Variants in DDX19A observed in about 807,000 individuals in gnomAD.
The protein encoded by DDX19A is DEAD-box helicase 19A.
Under a neutral mutation model 60.6 loss-of-function variants are expected in DDX19A, and 12 were observed. That is an observed-to-expected ratio of 0.20 (90% CI 0.13 to 0.32). The LOEUF (loss-of-function observed/expected upper bound fraction) is 0.32, where lower values mean the gene tolerates loss of function less well. DDX19A is among the 10% of genes least tolerant of loss of function. The pLI is 1.00. For missense variants in DDX19A, 337 were observed against 600.6 expected (o/e 0.56, Z 4.59); for synonymous variants, 206 against 218.2 (o/e 0.94, Z 0.49).
rs71151183 is a variant in DDX19A at position 70,357,366 on chromosome 16, G to GTTTTTTTTTT, written c.293+1146_293+1155dup. Reference sequence around the variant, plus strand: ...AATCTGTCAAATCTGTTTTTGGTTTGTTTTTTTTTTTTTTTTTTTTTTTTT... The same window carrying GTTTTTTTTTT: ...AATCTGTCAAATCTGTTTTTGGTTTGTTTTTTTTTTTTTTTTTTTTTTTTTTTTTTTTTTT... On this transcript the variant is annotated intron_variant, in intron 4 of 11. Transcript: ENST00000302243. Among the ~76,000 whole-genome samples the GTTTTTTTTTT allele has an allele frequency of 3.7e-3, 164 of 44,584 alleles. 59 individuals are homozygous for GTTTTTTTTTT. Among genetic ancestry groups the GTTTTTTTTTT allele is most frequent in the Admixed American group, 6.3e-3 (19 of 3,026 alleles). 29.2% of individuals were successfully genotyped at this position (44,584 alleles called of 152,430 possible).
intron 9 of DDX19A, among the ~76,000 whole-genome samples, chr16:70,367,668 G>A (rs531538909): frequency 1.3e-5 from 2 of 151,864 alleles, no homozygotes; most frequent in Non-Finnish European, 2.9e-5. Context: ...ACCTGAGGTC[G>A]GGAGTTGGAG....
intron 4 of DDX19A, among the ~76,000 whole-genome samples, chr16:70,360,407 A>C (rs1964333105): frequency 6.8e-6 from 1 of 146,312 alleles, no homozygotes; most frequent in South Asian, 2.1e-4. Flanking sequence ...TATAGTCTCT[A>C]ACTCTTAGCC....
At chr16:70,366,286 C>T (rs1964517527) in intron 8 of DDX19A, 24 bp downstream of exon 8, 19 of 1,613,530 alleles carry the variant, frequency 1.2e-5, no homozygotes, top group Non-Finnish European at 1.4e-5. Flanking sequence ...GGGTGGGGGA[C>T]TCCTCAGACT....
In DDX19A at chr16:70,372,833, CGAGAGCT is replaced by C. The variant is rs2047298647; in HGVS notation, c.*851_*857del. On this transcript the variant is annotated 3_prime_UTR_variant, in exon 12 of 12. Coordinates refer to ENST00000302243, the MANE Select transcript of DDX19A (RefSeq NM_018332.5). Reference sequence around the variant, plus strand: ...CTTACCCCCAGGTGTCACACGGGGCCGAGAGCTGAGCAAGAATTTGGAATGGAAGTTA... The same window carrying C: ...CTTACCCCCAGGTGTCACACGGGGCCGAGCAAGAATTTGGAATGGAAGTTA... 1 of 152,148 alleles carries C rather than the reference CGAGAGCT, an allele frequency of 6.6e-6. No individual in the cohort carries two copies. Among genetic ancestry groups the C allele is most frequent in the Non-Finnish European group, 1.5e-5 (1 of 68,084 alleles). The allele number at this position is 152,148 out of a possible 1,614,324, so 9.4% of individuals were successfully genotyped here. A position where few individuals can be genotyped will look rare whatever the true frequency, so the allele number is the denominator to read the frequency against.
Position 70,357,366 on chromosome 16 carries a change from G to GTTTT in DDX19A, c.293+1152_293+1155dup, listed in dbSNP as rs71151183. Among the ~76,000 whole-genome samples, 35 of 44,580 alleles carry GTTTT rather than the reference G, an allele frequency of 7.9e-4. 12 individuals are homozygous for GTTTT. Among genetic ancestry groups the GTTTT allele is most frequent in the East Asian group, 2.9e-3 (4 of 1,368 alleles). 29.2% of individuals were successfully genotyped at this position (44,580 alleles called of 152,430 possible). On this transcript the variant is annotated intron_variant, in intron 4 of 11. Coordinates refer to ENST00000302243, the MANE Select transcript of DDX19A (RefSeq NM_018332.5). ...AATCTGTCAAATCTGTTTTTGGTTT[G>GTTTT]TTTTTTTTTTTTTTTTTTTTTTTTT...
chr16:70,367,808 C>T (rs573025255), intron 9 of DDX19A, among the ~76,000 whole-genome samples: 19 of 150,122 alleles, frequency 1.3e-4, no homozygotes, highest in African/African-American at 4.4e-4. Context: ...AGCTGGGAGG[C>T]GGAGATTGCA....
chr16:70,348,410 G>A (rs1291979906), intron 1 of DDX19A, among the ~76,000 whole-genome samples: 3 of 151,930 alleles, frequency 2.0e-5, no homozygotes, highest in Admixed American at 6.6e-5. Context: ...CAGATCACTC[G>A]AGGTCAAGAG....
At chr16:70,357,730 G>C (rs1474249911) in intron 4 of DDX19A, among the ~76,000 whole-genome samples, 1 of 151,996 alleles carries the variant, frequency 6.6e-6, no homozygotes, top group Admixed American at 6.6e-5. Context: ...ATTAAGTGTG[G>C]ATCATTGTGT....
chr16:70,365,695 G>C lies in DDX19A; in HGVS notation c.605-390G>C, dbSNP rs900648319. The C allele has an allele frequency of 1.9e-5, 5 of 263,080 alleles. No individual in the cohort carries two copies. In the South Asian group the frequency reaches 2.1e-4, roughly 11 times the overall value. The allele number at this position is 263,080 out of a possible 1,614,324, so 16.3% of individuals were successfully genotyped here. On this transcript the variant is annotated intron_variant, in intron 7 of 11. Coordinates refer to ENST00000302243, the MANE Select transcript of DDX19A (RefSeq NM_018332.5). ...CTTGGGAGGCTGAGGCAGGAGGATC[G>C]CTTGAACCTGTGTGGTCAAAGCTGC...
chr16:70,372,147 T>G lies in DDX19A; in HGVS notation c.*161T>G. On this transcript the variant is annotated 3_prime_UTR_variant, in exon 12 of 12. Transcript: ENST00000302243. Reference sequence around the variant, plus strand: ...TATGTTTGGACTTGACAAAAATAGGTGCAAATGATGGGGGGCAATAGAAGA... The same window carrying G: ...TATGTTTGGACTTGACAAAAATAGGGGCAAATGATGGGGGGCAATAGAAGA... 3.3e-6 allele frequency: 4 copies of G among 1,205,642 alleles called. No individual in the cohort carries two copies. The South Asian group carries it at 5.7e-5, about 17-fold the overall frequency. 74.7% of individuals were successfully genotyped at this position (1,205,642 alleles called of 1,614,324 possible).
At chr16:70,356,373 C>T (rs1964184045) in intron 4 of DDX19A, 126 bp downstream of exon 4, 26 of 1,355,922 alleles carry the variant, frequency 1.9e-5, no homozygotes, top group South Asian at 4.3e-5. Context: ...TTTTTTTTTT[C>T]GAGACAGAGT....
chr16:70,367,408 CAGAG>C (rs1255901207), intron 9 of DDX19A, among the ~76,000 whole-genome samples: 1 of 148,640 alleles, frequency 6.7e-6, no homozygotes, highest in African/African-American at 2.5e-5. Flanking sequence ...AGCCTGGCAA[CAGAG>C]AGAGACTCCG....
Position 70,351,042 on chromosome 16 carries a change from GT to G in DDX19A, c.106+450del, listed in dbSNP as rs879782082. Among the ~76,000 whole-genome samples the G allele has an allele frequency of 4.6e-3, 641 of 139,826 alleles. 5 individuals carry two copies. The highest frequency in any genetic ancestry group is 0.014 in the African/African-American group (549 of 38,500). The allele number at this position is 139,826 out of a possible 152,430, so 91.7% of individuals were successfully genotyped here. ...TACAGGCGCTTGCCACCACGCGCTAGTTTTTTTTTTTTTGTATTTTTAGTAG... is the reference window on the plus strand; with the variant it reads ...TACAGGCGCTTGCCACCACGCGCTAGTTTTTTTTTTTTGTATTTTTAGTAG... On this transcript the variant is annotated intron_variant, in intron 2 of 11. Transcript: ENST00000302243.
At chr16:70,366,497 C>A in intron 8 of DDX19A, 127 bp from the exon 9 acceptor site, 1 of 1,365,692 alleles carries the variant, frequency 7.3e-7, no homozygotes, top group South Asian at 1.3e-5. Flanking sequence ...GCCTGCTGCT[C>A]CTCCTCCCCA....
chr16:70,360,138 A>G (rs995427151), intron 4 of DDX19A, among the ~76,000 whole-genome samples: 6 of 151,948 alleles, frequency 3.9e-5, no homozygotes, highest in Non-Finnish European at 8.8e-5. Context: ...AAAATTAGCC[A>G]GGTGTGGCAG....
chr16:70,368,592 T>A (rs1964588627), intron 9 of DDX19A, among the ~76,000 whole-genome samples: 2 of 151,772 alleles, frequency 1.3e-5, no homozygotes. Flanking sequence ...TCTTTTTTTT[T>A]TTTTTTAGAC....
intron 2 of DDX19A, among the ~76,000 whole-genome samples, chr16:70,354,859 G>T (rs1200956661): frequency 1.3e-5 from 2 of 152,110 alleles, no homozygotes; most frequent in Non-Finnish European, 2.9e-5. Flanking sequence ...TAAGGCAGGA[G>T]GATGTGGTGG....
chr16:70,358,727 G>A (rs1964289275), intron 4 of DDX19A, among the ~76,000 whole-genome samples: 1 of 152,008 alleles, frequency 6.6e-6, no homozygotes, highest in African/African-American at 2.4e-5. Flanking sequence ...ATGGCTTGTA[G>A]TCCCGGCTAC....
At chr16:70,351,178 G>A (rs1015043985) in intron 2 of DDX19A, among the ~76,000 whole-genome samples, 22 of 150,996 alleles carry the variant, frequency 1.5e-4, no homozygotes, top group African/African-American at 5.1e-4. Flanking sequence ...CACTGTGCCC[G>A]GCCTAAATTT....
Sources: allele counts gnomAD v4.1 joint callset (sites outside exome capture counted in the v4.1 genomes callset), GRCh38; gene constraint gnomAD v4.1.1; transcripts MANE v1.5; gene names NCBI Gene and HGNC (gene_info 2026-07-23, HGNC 2026-07-21).